The following C3 variants were observed in gnomAD, a reference collection of about 807,000 sequenced individuals.
C3 encodes the protein C3 and PZP-like alpha-2-macroglobulin domain-containing protein 1.
C3 carries 97 observed loss-of-function variants against 207.9 expected under a neutral mutation model. The ratio of observed to expected loss-of-function variants is 0.47; its 90% CI spans 0.40 to 0.55. The LOEUF is 0.55. Ranked by LOEUF, C3 falls within the 20% of genes least tolerant of loss-of-function variation. C3 has a pLI of 0.00. For missense variants in C3, 1,684 were observed against 2,171.7 expected, an observed-to-expected ratio of 0.78 and a Z score of 4.46; for synonymous variants, 848 against 857.6, an observed-to-expected ratio of 0.99 and a Z score of 0.20.
At chr19:6,686,333 C>A (rs1247937657) in intron 28 of C3, 46 bp from the exon 29 acceptor site, 1 of 1,604,984 alleles carries the variant, frequency 6.2e-7, no homozygotes, top group Admixed American at 1.7e-5. Flanking sequence ...CTCTGTCCAG[C>A]CTGGGGATGG....
Position 6,686,755 on chromosome 19 carries a change from T to C in C3, c.3637A>G (p.Thr1213Ala), listed in dbSNP as rs746331191. ...KGPLLNKFLT[T>A]AKDKNRWEDP... Reference sequence around the variant, plus strand: ...CCAGGCCAACCCTCACCTTTGGCTGTGGTCAGAAATTTGTTAAGAAGAGGC... The same window carrying C: ...CCAGGCCAACCCTCACCTTTGGCTGCGGTCAGAAATTTGTTAAGAAGAGGC... Residue 1213 changes from threonine to alanine, a missense_variant, in exon 28 of 41, where the codon ACA (threonine) becomes GCA (alanine). By Grantham distance (58) the Thr-to-Ala change is moderately conservative. This residue lies in a region of C3 where 1,280 missense variants were observed against 1,739.1 expected (regional missense o/e 0.74). Transcript: ENST00000245907. 6.2e-7 allele frequency: 1 copy of C among 1,613,832 alleles called. No homozygotes were observed. Among genetic ancestry groups the C allele is most frequent in the South Asian group, 1.1e-5 (1 of 91,084 alleles).
At chr19:6,680,132 C>A (rs1439385911) in intron 36 of C3, 26 bp downstream of exon 36, 5 of 1,309,082 alleles carry the variant, frequency 3.8e-6, no homozygotes. Flanking sequence ...AACCATCAGA[C>A]CCCAGGCCCT....
intron 9 of C3, 94 bp downstream of exon 9, chr19:6,713,095 C>T (rs937424549): frequency 6.8e-7 from 1 of 1,479,600 alleles, no homozygotes. Context: ...TCTGAGCCTC[C>T]CTCCTTAGAC....
chr19:6,709,991 A>AAGGGAGAGAGGGAGGGAGAGAG (rs776536359), intron 13 of C3, 149 bp from the exon 14 acceptor site: 19,979 of 337,390 alleles, frequency 0.059, 1,978 homozygotes, highest in East Asian at 0.15. Context: ...GAGAGAGAGA[A>AAGGGAGAGAGGGAGGGAGAGAG]AGGGAGAGAG....
Position 6,713,526 on chromosome 19 carries a change from G to A in C3, c.774-17C>T, listed in dbSNP as rs954593512. The A allele has an allele frequency of 1.3e-6, 2 of 1,584,950 alleles. No individual in the cohort carries two copies. Among genetic ancestry groups the A allele is most frequent in the Admixed American group, 1.7e-5 (1 of 59,850 alleles). On this transcript the variant is annotated splice_polypyrimidine_tract_variant and intron_variant, in intron 7 of 40. Transcript: ENST00000245907. ...TAGAGGAACCTACGGGACAGACAAG[G>A]AGGGCTTCAGGTCCATCCCTCCTGG...
chr19:6,719,144 T>A lies in C3; in HGVS notation c.267+67A>T. On this transcript the variant is annotated intron_variant, in intron 2 of 40. Coordinates refer to ENST00000245907, the MANE Select transcript of C3 (RefSeq NM_000064.4). The surrounding 1 kb of genome is among the most constrained non-coding windows in gnomAD (Gnocchi z 5.4). ...AGGGAGAAGACAGAAGGGGAGGGGC[T>A]CAGGAGGAGGGGGGGAGTGGGCGTG... 1 of 1,342,882 alleles carries A rather than the reference T, an allele frequency of 7.4e-7. No individual in the cohort carries two copies. Among genetic ancestry groups the A allele is most frequent in the Middle Eastern group, 1.9e-4 (1 of 5,248 alleles). 83.2% of individuals were successfully genotyped at this position (1,342,882 alleles called of 1,614,324 possible).
chr19:6,679,186 C>T lies in C3; in HGVS notation c.4569G>A (p.Ser1523=), dbSNP rs761625759. 3 of 1,614,020 alleles carry T rather than the reference C, an allele frequency of 1.9e-6. No homozygotes were observed. The highest frequency in any genetic ancestry group is 1.3e-5 in the African/African-American group (1 of 74,918). The change falls in exon 38 of 41, where the codon TCG becomes TCA. Residue 1523 remains serine, a synonymous_variant. Transcript: ENST00000245907. ...GTTCTTCCAGGGTGACCTTGTCATC[C>T]GACTTTTGTATGAAGCAATTCTCTG... is the stretch of plus-strand genomic sequence containing the variant. ...CAEENCFIQK[S]DDKVTLEERL...
chr19:6,708,573 T>C (rs58013530), intron 14 of C3, among the ~76,000 whole-genome samples: 5,155 of 148,958 alleles, frequency 0.035, 331 homozygotes, highest in African/African-American at 0.12. Flanking sequence ...CCTTCCTTCC[T>C]TCCTTCTTTC....
chr19:6,692,126 C>T (rs1242683386), intron 26 of C3, among the ~76,000 whole-genome samples: 1 of 151,966 alleles, frequency 6.6e-6, no homozygotes, highest in East Asian at 1.9e-4. Flanking sequence ...GTTTTTGAGA[C>T]AGGGTCTCAC....
At chr19:6,693,295 G>GA in intron 25 of C3, 117 bp downstream of exon 25, 1 of 1,167,700 alleles carries the variant, frequency 8.6e-7, no homozygotes, top group Non-Finnish European at 1.2e-6. Flanking sequence ...GGACTCTGCA[G>GA]GTCCAGGGCT....
intron 14 of C3, among the ~76,000 whole-genome samples, chr19:6,708,322 A>G (rs539992713): frequency 7.2e-5 from 11 of 152,098 alleles, no homozygotes; most frequent in African/African-American, 2.7e-4. Context: ...TATTTAGTAG[A>G]GACGGGATTT....
intron 17 of C3, among the ~76,000 whole-genome samples, chr19:6,703,997 C>A (rs977361166): frequency 1.3e-5 from 2 of 151,860 alleles, no homozygotes; most frequent in Admixed American, 1.3e-4. Flanking sequence ...CAAAAAAAAT[C>A]TCGATAGGCT....
intron 14 of C3, 73 bp downstream of exon 14, chr19:6,709,611 T>TGGCCCCCCCCCCC: frequency 6.3e-6 from 7 of 1,109,440 alleles, no homozygotes; most frequent in Non-Finnish European, 5.4e-6. Flanking sequence ...CCCTCTCCAG[T>TGGCCCCCCCCCCC]CCCACCCACC....
intron 29 of C3, 30 bp downstream of exon 29, chr19:6,686,094 C>G (rs1918000029): frequency 2.5e-6 from 4 of 1,611,600 alleles, no homozygotes; most frequent in Non-Finnish European, 3.4e-6. Context: ...GACAGGGATG[C>G]ATGTGCCTAG....
intron 23 of C3, among the ~76,000 whole-genome samples, chr19:6,695,985 G>A (rs982873139): frequency 5.3e-5 from 8 of 151,878 alleles, no homozygotes; most frequent in Admixed American, 2.0e-4. Context: ...TGAGGCGGGT[G>A]GATCACGAGG....
At chr19:6,684,251 C>A in intron 33 of C3, 137 bp downstream of exon 33, 1 of 805,550 alleles carries the variant, frequency 1.2e-6, no homozygotes, top group Non-Finnish European at 2.2e-6. Context: ...TGTTGTCTAC[C>A]TCATGGTGGA....
chr19:6,683,730 C>T (rs539635968), intron 33 of C3, among the ~76,000 whole-genome samples: 5 of 152,260 alleles, frequency 3.3e-5, no homozygotes, highest in East Asian at 3.9e-4. Flanking sequence ...GGATTACAGG[C>T]GCGAGCCGCC....
chr19:6,713,530 G>A (rs1055894111), intron 7 of C3, 21 bp from the exon 8 acceptor site: 1 of 1,566,306 alleles, frequency 6.4e-7, no homozygotes, highest in African/African-American at 1.4e-5. Context: ...GACAAGGAGG[G>A]CTTCAGGTCC....
At chr19:6,678,606 C>T in intron 38 of C3, 151 bp from the exon 39 acceptor site, 1 of 680,570 alleles carries the variant, frequency 1.5e-6, no homozygotes, top group South Asian at 1.7e-5. Context: ...CCCCTCATTA[C>T]ACACACAACC....
Sources: allele counts gnomAD v4.1 joint callset (sites outside exome capture counted in the v4.1 genomes callset), GRCh38; gene constraint gnomAD v4.1.1; regional missense constraint gnomAD v4.1.1; non-coding constraint Gnocchi (gnomAD v3.1); transcripts MANE v1.5; gene names NCBI Gene and HGNC (gene_info 2026-07-23, HGNC 2026-07-21).